The following SMYD3 variants were observed in gnomAD, a reference collection of about 807,000 sequenced individuals.
The protein encoded by SMYD3 is SET and MYND domain containing 3.
SMYD3 carries 36 observed loss-of-function variants against 57.7 expected under a neutral mutation model. The ratio of observed to expected loss-of-function variants is 0.62; its 90% CI spans 0.48 to 0.82. SMYD3 has a LOEUF of 0.82. SMYD3 is among the 40% of genes least tolerant of loss of function. SMYD3 has a pLI of 0.00. For synonymous variants in SMYD3, 211 were observed against 195.0 expected, an observed-to-expected ratio of 1.08 and a Z score of -0.68; for missense variants, 515 against 538.8, an observed-to-expected ratio of 0.96 and a Z score of 0.44.
At chr1:246,441,749 C>T (rs2067474558) in intron 1 of SMYD3, among the ~76,000 whole-genome samples, 1 of 152,158 alleles carries the variant, frequency 6.6e-6, no homozygotes, top group African/African-American at 2.4e-5. Context: ...GTAGCCGAGA[C>T]CACAGGCACA....
At chr1:245,921,957 T>C (rs1240944509) in intron 7 of SMYD3, among the ~76,000 whole-genome samples, 1 of 152,148 alleles carries the variant, frequency 6.6e-6, no homozygotes, top group African/African-American at 2.4e-5. Flanking sequence ...GCAACACAGC[T>C]GCACATGTGC....
chr1:246,277,996 ATACT>A (rs1341495327), intron 5 of SMYD3, among the ~76,000 whole-genome samples: 49 of 152,322 alleles, frequency 3.2e-4, no homozygotes, highest in Non-Finnish European at 5.7e-4. Context: ...CCCAAAGTAT[ATACT>A]TAAAGTTTAT....
At chr1:245,823,465 C>G (rs1195005047) in intron 10 of SMYD3, among the ~76,000 whole-genome samples, 2 of 152,224 alleles carry the variant, frequency 1.3e-5, no homozygotes, top group Non-Finnish European at 2.9e-5. Context: ...CCCCAAACAT[C>G]TGAAGTCAGC....
At chr1:246,264,083 T>A (rs1042741306) in intron 5 of SMYD3, among the ~76,000 whole-genome samples, 5 of 152,078 alleles carry the variant, frequency 3.3e-5, no homozygotes, top group African/African-American at 4.8e-5. Context: ...GTAACCTACA[T>A]ATAAATAGAA....
chr1:245,858,588 C>A lies in SMYD3; in HGVS notation c.984G>T (p.Leu328=), dbSNP rs139154880. The A allele has an allele frequency of 1.3e-4, 208 of 1,614,234 alleles. 2 individuals carry two copies. In the African/African-American group the frequency reaches 2.3e-3, roughly 18 times the overall value. The change falls in exon 10 of 12, where the codon CTG becomes CTT. Residue 328 remains leucine (L), a synonymous_variant. Coordinates refer to ENST00000490107, the MANE Select transcript of SMYD3 (RefSeq NM_001167740.2). ...CATCCATGGCGCAGTCGAGCACCTTCAGCTGGTAGATGTTGATATCGGGAA... is the reference window on the plus strand; with the variant it reads ...CATCCATGGCGCAGTCGAGCACCTTAAGCTGGTAGATGTTGATATCGGGAA... The part of the protein sequence containing the change: ...ERLPDINIYQ[L]KVLDCAMDAC...
At chr1:245,926,423 T>C (rs2056379148) in intron 7 of SMYD3, among the ~76,000 whole-genome samples, 1 of 152,240 alleles carries the variant, frequency 6.6e-6, no homozygotes, top group Non-Finnish European at 1.5e-5. Flanking sequence ...GGGGAGAACC[T>C]TCTTTTTGTT....
At chr1:246,441,612 C>A (rs1446565839) in intron 1 of SMYD3, among the ~76,000 whole-genome samples, 6 of 152,144 alleles carry the variant, frequency 3.9e-5, no homozygotes. Context: ...TTCTTTCTTT[C>A]TTTGTTTTTT....
chr1:245,882,977 G>A (rs1238678050), intron 8 of SMYD3, among the ~76,000 whole-genome samples: 3 of 152,182 alleles, frequency 2.0e-5, no homozygotes, highest in South Asian at 2.1e-4. Context: ...GCTGTGCTTC[G>A]CTAATAGCTA....
At chr1:246,290,230 T>C (rs1199900360) in intron 5 of SMYD3, among the ~76,000 whole-genome samples, 2 of 152,238 alleles carry the variant, frequency 1.3e-5, no homozygotes, top group African/African-American at 4.8e-5. Flanking sequence ...GTTCATCTTC[T>C]GTCACTAATA....
intron 11 of SMYD3, among the ~76,000 whole-genome samples, chr1:245,755,026 T>C (rs2045550620): frequency 6.6e-6 from 1 of 152,200 alleles, no homozygotes; most frequent in Admixed American, 6.5e-5. Flanking sequence ...ATGGCTGTTG[T>C]ATCACTGTTT....
At chr1:245,981,736 A>C (rs2148071977) in intron 5 of SMYD3, among the ~76,000 whole-genome samples, 1 of 152,396 alleles carries the variant, frequency 6.6e-6, no homozygotes. Flanking sequence ...TACTGAAAGC[A>C]TGTGTAAGTT....
At chr1:246,273,471 T>TTTTTA (rs1195670528) in intron 5 of SMYD3, among the ~76,000 whole-genome samples, 1 of 151,562 alleles carries the variant, frequency 6.6e-6, no homozygotes, top group Non-Finnish European at 1.5e-5. Context: ...CCATTGTCAT[T>TTTTTA]TTTTATTTTA....
chr1:245,781,238 T>C (rs1304830954), intron 10 of SMYD3, among the ~76,000 whole-genome samples: 1 of 152,232 alleles, frequency 6.6e-6, no homozygotes, highest in African/African-American at 2.4e-5. Context: ...TTTTATGATA[T>C]GTAAATTATG....
At position 246,507,091 on chromosome 1, in the gene SMYD3, C is replaced by G; in HGVS notation, c.127G>C (p.Gly43Arg). 6.5e-7 allele frequency: 1 copy of G among 1,527,328 alleles called. No individual in the cohort carries two copies. The highest frequency in any genetic ancestry group is 8.8e-7 in the Non-Finnish European group (1 of 1,137,446). The allele number at this position is 1,527,328 out of a possible 1,614,324, so 94.6% of individuals were successfully genotyped here. Reference protein sequence around the residue: ...SDPLAYTVCKGSRGVVCDRCL... With the variant: ...SDPLAYTVCKRSRGVVCDRCL... ...CGGTCGCAGACGACGCCACGACTCC[C>G]CTTGCACACCGTGTACGCCAAGGGA... The change falls in exon 1 of 12, where the codon GGG becomes CGG. Residue 43 changes from glycine to arginine, a missense_variant. Gly to Arg is a moderately radical substitution (Grantham distance 125). Coordinates refer to ENST00000490107, the MANE Select transcript of SMYD3 (RefSeq NM_001167740.2).
At chr1:246,063,556 CCCTT>C (rs1459507480) in intron 5 of SMYD3, among the ~76,000 whole-genome samples, 1 of 150,158 alleles carries the variant, frequency 6.7e-6, no homozygotes, top group South Asian at 2.1e-4. Context: ...TCCCTTCCTT[CCCTT>C]CCTTCCTTCC....
intron 10 of SMYD3, among the ~76,000 whole-genome samples, chr1:245,788,220 C>T (rs2047125989): frequency 6.6e-6 from 1 of 151,564 alleles, no homozygotes; most frequent in South Asian, 2.1e-4. Flanking sequence ...ACACAGGGAA[C>T]AGGGCAAGGA....
intron 8 of SMYD3, among the ~76,000 whole-genome samples, chr1:245,913,791 A>C (rs1182954904): frequency 2.6e-5 from 4 of 152,316 alleles, no homozygotes; most frequent in East Asian, 1.9e-4. Flanking sequence ...AATATCACAA[A>C]TATTCCAATT....
At chr1:245,881,182 G>GTGTTAC in intron 8 of SMYD3, among the ~76,000 whole-genome samples, 1 of 152,288 alleles carries the variant, frequency 6.6e-6, no homozygotes, top group Non-Finnish European at 1.5e-5. Flanking sequence ...AACCAACACT[G>GTGTTAC]TGTTACTCAA....
chr1:246,143,841 C>T (rs2061801648), intron 5 of SMYD3, among the ~76,000 whole-genome samples: 1 of 152,172 alleles, frequency 6.6e-6, no homozygotes, highest in Non-Finnish European at 1.5e-5. Flanking sequence ...TAGAAGAATG[C>T]TCCACTACAT....
Sources: gnomAD v4.1 joint callset for allele counts (sites outside exome capture counted in the v4.1 genomes callset) on GRCh38, gnomAD v4.1.1 for gene constraint, MANE v1.5 for transcripts, NCBI Gene and HGNC (gene_info 2026-07-23, HGNC 2026-07-21) for gene names.